Variants in LRIG1 observed in about 807,000 individuals in gnomAD.
LRIG1 encodes leucine rich repeats and immunoglobulin like domains 1.
LRIG1 carries 48 observed loss-of-function variants against 99.2 expected under a neutral mutation model. The ratio of observed to expected loss-of-function variants is 0.48; its 90% CI spans 0.38 to 0.62. LRIG1 has a LOEUF of 0.62. LRIG1 is among the 20% of genes least tolerant of loss of function. LRIG1 has a pLI of 0.00. For missense variants in LRIG1, 1,646 were observed against 1,434.4 expected (o/e 1.15, Z -2.38); for synonymous variants, 772 against 596.1 (o/e 1.29, Z -4.30).
At chr3:66,381,411 G>A (rs1701054834) in intron 17 of LRIG1, 68 bp downstream of exon 17, 14 of 1,498,914 alleles carry the variant, frequency 9.3e-6, no homozygotes, top group Admixed American at 3.5e-5. Context: ...CCCCTTTGAT[G>A]TAGTGACTAG....
At chr3:66,401,856 C>G (rs1294166064) in intron 9 of LRIG1, among the ~76,000 whole-genome samples, 1 of 152,172 alleles carries the variant, frequency 6.6e-6, no homozygotes, top group Non-Finnish European at 1.5e-5. Flanking sequence ...CCTGGCCAAC[C>G]CAGCCAACAG....
intron 3 of LRIG1, among the ~76,000 whole-genome samples, chr3:66,442,135 G>C (rs1703560982): frequency 6.6e-6 from 1 of 152,164 alleles, no homozygotes; most frequent in South Asian, 2.1e-4. Context: ...AATATACTGA[G>C]TCAACTATTC....
chr3:66,407,854 CCT>C (rs1420163480), intron 7 of LRIG1, among the ~76,000 whole-genome samples: 4 of 152,238 alleles, frequency 2.6e-5, no homozygotes, highest in Admixed American at 2.0e-4. Context: ...CTACAAAAGA[CCT>C]CTCTCATAGC....
chr3:66,438,591 T>C (rs1703438313), intron 3 of LRIG1, among the ~76,000 whole-genome samples: 2 of 152,166 alleles, frequency 1.3e-5, no homozygotes, highest in African/African-American at 2.4e-5. Flanking sequence ...CTACTGGTGC[T>C]AACAAGGGGG....
chr3:66,470,268 T>C (rs1397243235), intron 1 of LRIG1, among the ~76,000 whole-genome samples: 1 of 152,202 alleles, frequency 6.6e-6, no homozygotes, highest in Non-Finnish European at 1.5e-5. Flanking sequence ...AGATCTGAGT[T>C]TGTCATCCCT....
At chr3:66,385,758 T>G (rs4856794) in intron 13 of LRIG1, among the ~76,000 whole-genome samples, 47,084 of 152,120 alleles carry the variant, frequency 0.31, 8,304 homozygotes, top group East Asian at 0.74. Context: ...GGCCAATAAC[T>G]AGATTTTTAA....
At chr3:66,434,438 G>A (rs1703276419) in intron 3 of LRIG1, among the ~76,000 whole-genome samples, 1 of 152,068 alleles carries the variant, frequency 6.6e-6, no homozygotes, top group African/African-American at 2.4e-5. Context: ...TATCAGAATG[G>A]CTGAAATTAA....
At chr3:66,436,415 G>C (rs566459248) in intron 3 of LRIG1, among the ~76,000 whole-genome samples, 32 of 152,342 alleles carry the variant, frequency 2.1e-4, no homozygotes, top group African/African-American at 7.7e-4. Context: ...GCTTAGGAGA[G>C]ATGATAACAA....
chr3:66,494,444 C>T (rs1701183654), intron 1 of LRIG1, among the ~76,000 whole-genome samples: 1 of 152,080 alleles, frequency 6.6e-6, no homozygotes, highest in Non-Finnish European at 1.5e-5. Flanking sequence ...AGTCAATAAC[C>T]CAAATGGAGA....
At chr3:66,420,829 T>C (rs1283346877) in intron 3 of LRIG1, among the ~76,000 whole-genome samples, 1 of 152,306 alleles carries the variant, frequency 6.6e-6, no homozygotes, top group Admixed American at 6.5e-5. Flanking sequence ...TATTAGTCCA[T>C]TTTCATGCTG....
chr3:66,457,248 AT>A (rs1011426741), intron 2 of LRIG1, among the ~76,000 whole-genome samples: 8 of 151,816 alleles, frequency 5.3e-5, no homozygotes, highest in African/African-American at 1.7e-4. Context: ...GTCAGCTACG[AT>A]TTTTTTTCTT....
chr3:66,421,537 C>G (rs956101611), intron 3 of LRIG1, among the ~76,000 whole-genome samples: 1 of 152,234 alleles, frequency 6.6e-6, no homozygotes, highest in African/African-American at 2.4e-5. Flanking sequence ...TTCCCATGGT[C>G]TTGGGAAAGC....
At chr3:66,382,070 C>G (rs1032941748) in intron 16 of LRIG1, among the ~76,000 whole-genome samples, 18 of 152,218 alleles carry the variant, frequency 1.2e-4, no homozygotes, top group African/African-American at 3.6e-4. Flanking sequence ...CCAGTGGCTT[C>G]CTGAGGGGAC....
chr3:66,463,666 G>T (rs541241679), intron 1 of LRIG1, among the ~76,000 whole-genome samples: 1 of 152,274 alleles, frequency 6.6e-6, no homozygotes, highest in African/African-American at 2.4e-5. Context: ...TGCCAAAGAG[G>T]TTAACATTTT....
chr3:66,393,206 G>C (rs1701692356), intron 12 of LRIG1, among the ~76,000 whole-genome samples: 1 of 152,186 alleles, frequency 6.6e-6, no homozygotes, highest in African/African-American at 2.4e-5. Flanking sequence ...TTCCTGGTTA[G>C]GATCCTCACA....
intron 12 of LRIG1, among the ~76,000 whole-genome samples, chr3:66,391,324 G>A (rs951412986): frequency 1.7e-4 from 26 of 152,118 alleles, no homozygotes; most frequent in African/African-American, 5.8e-4. Context: ...TTGTACCCAA[G>A]AGAATCACAC....
chr3:66,398,916 C>A, intron 10 of LRIG1, 54 bp downstream of exon 10: 4 of 1,481,036 alleles, frequency 2.7e-6, no homozygotes, highest in Non-Finnish European at 1.9e-6. Flanking sequence ...CAGAACTCCC[C>A]GGCAGCCGCA....
At position 66,379,070 on chromosome 3, in the gene LRIG1, T is replaced by TA. The variant is rs1416586055; in HGVS notation, c.*1192dup. 1 of 152,668 alleles carries TA rather than the reference T, an allele frequency of 6.6e-6. No homozygotes were observed. Among genetic ancestry groups the TA allele is most frequent in the Admixed American group, 6.5e-5 (1 of 15,292 alleles). 9.5% of individuals were successfully genotyped at this position (152,668 alleles called of 1,614,324 possible). ...ATGACACCTGACAGTAATTGTTAAC[T>TA]ATTTTCTCAGTAACTCCCTTCAGCT... On this transcript the variant is annotated 3_prime_UTR_variant, in exon 19 of 19. Transcript: ENST00000273261.
rs1202191954 is a variant in LRIG1 at position 66,380,620 on chromosome 3, C to T, written c.3012G>A (p.Leu1004=). 3.8e-5 allele frequency: 62 copies of T among 1,614,066 alleles called. No homozygotes were observed. The highest frequency in any genetic ancestry group is 5.1e-5 in the Non-Finnish European group (60 of 1,180,038). The change falls in exon 18 of 19, where the codon CTG becomes CTA. Residue 1004 remains leucine, a synonymous_variant. Coordinates refer to ENST00000273261, the MANE Select transcript of LRIG1 (RefSeq NM_015541.3). ...CCATTGGCTTTTTCTTCACAGCCGT[C>T]AGCATTCTATCGTGGTTACTGGGGT... ...SLYPSNHDRM[L]TAVKKKPMAS...
Sources: allele counts gnomAD v4.1 joint callset (sites outside exome capture counted in the v4.1 genomes callset), GRCh38; gene constraint gnomAD v4.1.1; transcripts MANE v1.5; gene names NCBI Gene and HGNC (gene_info 2026-07-23, HGNC 2026-07-21).